The following ARHGAP39 variants were observed in gnomAD, a reference collection of about 807,000 sequenced individuals.
ARHGAP39 encodes rho GTPase-activating protein 39.
In ARHGAP39, 44 loss-of-function variants were observed where a neutral mutation model predicts 106.9. The observed-to-expected ratio is 0.41, with a 90% CI of 0.32 to 0.53. The LOEUF (loss-of-function observed/expected upper bound fraction) is 0.53. Ranked by LOEUF, ARHGAP39 falls within the 20% of genes least tolerant of loss-of-function variation. The pLI is 0.21. For missense variants in ARHGAP39, 1,496 were observed against 1,577.3 expected, an observed-to-expected ratio of 0.95 and a Z score of 0.87; for synonymous variants, 768 against 693.2, an observed-to-expected ratio of 1.11 and a Z score of -1.69.
chr8:144,620,732 G>A (rs1295166713), intron 1 of ARHGAP39, among the ~76,000 whole-genome samples: 2 of 152,322 alleles, frequency 1.3e-5, no homozygotes, highest in South Asian at 2.1e-4. Context: ...CTGACCCAGT[G>A]GGCTGCCCTG....
chr8:144,551,215 G>A (rs1817677276), intron 4 of ARHGAP39, among the ~76,000 whole-genome samples: 6 of 151,932 alleles, frequency 3.9e-5, no homozygotes, highest in Admixed American at 3.9e-4. Context: ...GGGGGAGGAT[G>A]GGGGGCTGGC....
chr8:144,595,589 TG>T (rs952975267), intron 2 of ARHGAP39, among the ~76,000 whole-genome samples: 1 of 152,230 alleles, frequency 6.6e-6, no homozygotes, highest in African/African-American at 2.4e-5. Context: ...GCAGCTGGGC[TG>T]GGCTCTCGCT....
intron 1 of ARHGAP39, among the ~76,000 whole-genome samples, chr8:144,628,893 C>T (rs2130975874): frequency 6.6e-6 from 1 of 152,322 alleles, no homozygotes; most frequent in Non-Finnish European, 1.5e-5. Flanking sequence ...GGCGTGTCTC[C>T]CACCACCGAA....
In ARHGAP39 at chr8:144,653,394, AG is replaced by A. The variant is rs527886912; in HGVS notation, c.-82+32291del. ...AATCACAGAAACTACAAACAGTAAA[AG>A]GAACAGTCCATCAAGTTATAAACAC... On this transcript the variant is annotated intron_variant, in intron 1 of 11. Transcript: ENST00000377307. 8.9e-4 allele frequency among the ~76,000 whole-genome samples: 136 copies of A among 152,336 alleles called. 2 individuals carry two copies. Among genetic ancestry groups the A allele is most frequent in the Non-Finnish European group, 1.1e-3 (75 of 68,030 alleles).
chr8:144,684,564 C>G lies in ARHGAP39; in HGVS notation c.-82+1122G>C, dbSNP rs1201943305. The stretch of plus-strand genomic sequence containing the variant: ...GCTGCGTTTCCGAAGCTGCGCAGCG[C>G]CCACAGCAGCTGCTGGTGGGAAGCG... On this transcript the variant is annotated intron_variant, in intron 1 of 11. Coordinates refer to ENST00000377307, the MANE Select transcript of ARHGAP39 (RefSeq NM_025251.3). The surrounding 1 kb of genome is among the most constrained non-coding windows in gnomAD (Gnocchi z 4.4). 6.6e-6 allele frequency among the ~76,000 whole-genome samples: 1 copy of G among 152,206 alleles called. No homozygotes were observed.
chr8:144,686,325 A>G (rs570291658), upstream of ARHGAP39, among the ~76,000 whole-genome samples: 118 of 151,220 alleles, frequency 7.8e-4, 1 homozygote, highest in African/African-American at 2.8e-3. Flanking sequence ...TAGTCCTGTC[A>G]CTTTTACTCG....
chr8:144,608,533 C>T (rs542600560), intron 1 of ARHGAP39, among the ~76,000 whole-genome samples: 32 of 152,314 alleles, frequency 2.1e-4, no homozygotes, highest in Non-Finnish European at 3.1e-4. Context: ...TCAGGCACTG[C>T]GAGTCCCCAA....
At chr8:144,638,024 C>A (rs1471958904) in intron 1 of ARHGAP39, among the ~76,000 whole-genome samples, 3 of 152,150 alleles carry the variant, frequency 2.0e-5, no homozygotes, top group Non-Finnish European at 4.4e-5. Context: ...ATTTTTCCTT[C>A]TTCCTGAATC....
chr8:144,675,361 G>C (rs1822206208), intron 1 of ARHGAP39, among the ~76,000 whole-genome samples: 1 of 152,198 alleles, frequency 6.6e-6, no homozygotes, highest in Non-Finnish European at 1.5e-5. Context: ...TGGGTTCTTG[G>C]TCTTGCTGAC....
chr8:144,563,603 T>C (rs1818285031), intron 3 of ARHGAP39, among the ~76,000 whole-genome samples: 4 of 151,578 alleles, frequency 2.6e-5, no homozygotes, highest in Non-Finnish European at 5.9e-5. Flanking sequence ...CCTGGAAAGA[T>C]AGTGAGACCT....
At chr8:144,582,039 G>A (rs1819011385) in intron 2 of ARHGAP39, among the ~76,000 whole-genome samples, 1 of 152,034 alleles carries the variant, frequency 6.6e-6, no homozygotes, top group South Asian at 2.1e-4. Flanking sequence ...CTGGTGAGGT[G>A]TCTCGTTAGC....
At chr8:144,537,090 C>A in intron 7 of ARHGAP39, among the ~76,000 whole-genome samples, 1 of 151,892 alleles carries the variant, frequency 6.6e-6, no homozygotes, top group Non-Finnish European at 1.5e-5. Flanking sequence ...GCGTAGCTCT[C>A]AAAAGGGAGA....
intron 1 of ARHGAP39, among the ~76,000 whole-genome samples, chr8:144,628,772 C>A (rs1429164859): frequency 6.6e-6 from 1 of 152,224 alleles, no homozygotes; most frequent in African/African-American, 2.4e-5. Flanking sequence ...CTAAGCTCAG[C>A]CCACCACCAG....
At chr8:144,669,835 T>C (rs1032117851) in intron 1 of ARHGAP39, among the ~76,000 whole-genome samples, 1 of 152,200 alleles carries the variant, frequency 6.6e-6, no homozygotes, top group Admixed American at 6.5e-5. Flanking sequence ...TCACATCCAC[T>C]GAGATGGCTT....
chr8:144,653,660 C>A (rs1821627164), intron 1 of ARHGAP39, among the ~76,000 whole-genome samples: 1 of 152,186 alleles, frequency 6.6e-6, no homozygotes, highest in Non-Finnish European at 1.5e-5. Context: ...ATCGAAGGAC[C>A]TTCCTTATGG....
chr8:144,535,633 G>C (rs1400535235), intron 7 of ARHGAP39, among the ~76,000 whole-genome samples: 1 of 152,256 alleles, frequency 6.6e-6, no homozygotes, highest in Non-Finnish European at 1.5e-5. Context: ...GCAGACGGCA[G>C]GGCTGGGCCT....
At chr8:144,589,277 A>G (rs572240360) in intron 2 of ARHGAP39, among the ~76,000 whole-genome samples, 1 of 152,268 alleles carries the variant, frequency 6.6e-6, no homozygotes, top group African/African-American at 2.4e-5. Context: ...TTAATTTTAT[A>G]CTCTATAAAT....
At chr8:144,619,988 G>A (rs1412505611) in intron 1 of ARHGAP39, among the ~76,000 whole-genome samples, 1 of 150,008 alleles carries the variant, frequency 6.7e-6, no homozygotes, top group African/African-American at 2.4e-5. Context: ...ATCTGAGAGC[G>A]TGTGTGCCCA....
Position 144,651,688 on chromosome 8 carries a change from TAGAG to T in ARHGAP39, c.-82+33994_-82+33997del, listed in dbSNP as rs766459111. 7.2e-5 allele frequency among the ~76,000 whole-genome samples: 11 copies of T among 151,756 alleles called. No individual in the cohort carries two copies. In the East Asian group the frequency reaches 7.8e-4, roughly 11 times the overall value. ...CATCACTGCACTCCAGCCTGGATGA[TAGAG>T]AGACTCTGTCTCAAAAAAAAATTAA... On this transcript the variant is annotated intron_variant, in intron 1 of 11. Transcript: ENST00000377307.
Sources: gnomAD v4.1 joint callset for allele counts (sites outside exome capture counted in the v4.1 genomes callset) on GRCh38, gnomAD v4.1.1 for gene constraint, Gnocchi (gnomAD v3.1) non-coding constraint, MANE v1.5 for transcripts, NCBI Gene and HGNC (gene_info 2026-07-23, HGNC 2026-07-21) for gene names.